The following NOVA1 variants were observed in gnomAD, a reference collection of about 807,000 sequenced individuals.
The protein encoded by NOVA1 is NOVA alternative splicing regulator 1.
In NOVA1, 7 loss-of-function variants were observed where a neutral mutation model predicts 38.0. The observed-to-expected ratio is 0.18, with a 90% CI of 0.10 to 0.35. The LOEUF is 0.35. Among genes scored for constraint, NOVA1 ranks in the 10% least tolerant of loss-of-function variants. The probability of loss-of-function intolerance (pLI) is 1.00; values close to 1 mark genes in which losing one functional copy is unlikely to be tolerated. For missense variants in NOVA1, 460 were observed against 616.0 expected (o/e 0.75, Z 2.68); for synonymous variants, 270 against 232.5 (o/e 1.16, Z -1.47).
At chr14:26,571,102 T>C (rs1008359664) in intron 2 of NOVA1, among the ~76,000 whole-genome samples, 2 of 151,598 alleles carry the variant, frequency 1.3e-5, no homozygotes, top group Admixed American at 6.6e-5. Flanking sequence ...ACAGGTTAAA[T>C]AATATGGATT....
intron 4 of NOVA1, among the ~76,000 whole-genome samples, chr14:26,471,234 A>G (rs905784703): frequency 2.2e-4 from 34 of 152,188 alleles, no homozygotes; most frequent in Non-Finnish European, 3.2e-4. Flanking sequence ...TCCAGTTATT[A>G]TATTTAAATC....
chr14:26,462,590 GATAA>G lies in NOVA1; in HGVS notation c.519+9726_519+9729del, dbSNP rs1461236143. 1.1e-4 allele frequency among the ~76,000 whole-genome samples: 16 copies of G among 152,166 alleles called. No homozygotes were observed. The East Asian group carries it at 3.1e-3, about 29-fold the overall frequency. On this transcript the variant is annotated intron_variant, in intron 4 of 4. Transcript: ENST00000539517. Reference sequence around the variant, plus strand: ...TATTTTTCATGTTTTAACTCAAAAGGATAAATAAAAATATTACATATGTTACACA... The same window carrying G: ...TATTTTTCATGTTTTAACTCAAAAGGATAAAAATATTACATATGTTACACA...
At chr14:26,550,225 T>G (rs1160179367) in intron 2 of NOVA1, among the ~76,000 whole-genome samples, 2 of 152,070 alleles carry the variant, frequency 1.3e-5, no homozygotes, top group Admixed American at 1.3e-4. Context: ...TTGGTTCAGA[T>G]GAGAATTCAA....
At chr14:26,567,442 C>T (rs1032923397) in intron 2 of NOVA1, among the ~76,000 whole-genome samples, 11 of 151,652 alleles carry the variant, frequency 7.3e-5, no homozygotes, top group Non-Finnish European at 1.0e-4. Context: ...ACTACAGGCA[C>T]GCGTGACCTC....
At chr14:26,536,318 C>G (rs1890096896) in intron 2 of NOVA1, among the ~76,000 whole-genome samples, 1 of 151,066 alleles carries the variant, frequency 6.6e-6, no homozygotes, top group South Asian at 2.1e-4. Context: ...CTACTATAGT[C>G]AACAATATCT....
At chr14:26,583,651 T>G (rs961871522) in intron 2 of NOVA1, among the ~76,000 whole-genome samples, 31 of 151,580 alleles carry the variant, frequency 2.0e-4, no homozygotes, top group African/African-American at 6.7e-4. Flanking sequence ...TTTTTCAGAC[T>G]TTTAAAAATT....
At chr14:26,460,832 A>G (rs950549879) in intron 4 of NOVA1, among the ~76,000 whole-genome samples, 1 of 152,222 alleles carries the variant, frequency 6.6e-6, no homozygotes, top group Admixed American at 6.5e-5. Flanking sequence ...TAAAAAAATT[A>G]AAATGTTTAA....
chr14:26,507,665 CTAAA>C (rs1887744333), intron 2 of NOVA1, among the ~76,000 whole-genome samples: 1 of 152,230 alleles, frequency 6.6e-6, no homozygotes, highest in South Asian at 2.1e-4. Context: ...AAGTAAGTAT[CTAAA>C]TAATCATGCA....
At chr14:26,499,805 T>A (rs1430218242) in intron 2 of NOVA1, among the ~76,000 whole-genome samples, 2 of 152,142 alleles carry the variant, frequency 1.3e-5, no homozygotes, top group African/African-American at 4.8e-5. Context: ...GTTTTGTACA[T>A]AGCAGAAAGC....
intron 2 of NOVA1, among the ~76,000 whole-genome samples, chr14:26,567,735 C>T (rs990313659): frequency 6.6e-6 from 1 of 152,104 alleles, no homozygotes; most frequent in Non-Finnish European, 1.5e-5. Context: ...TTTCCATTTC[C>T]TCAAATACAT....
At chr14:26,578,578 G>C (rs1390342127) in intron 2 of NOVA1, among the ~76,000 whole-genome samples, 1 of 152,126 alleles carries the variant, frequency 6.6e-6, no homozygotes, top group Non-Finnish European at 1.5e-5. Context: ...CATATACTTA[G>C]GTAGGTAGAT....
intron 2 of NOVA1, chr14:26,593,419 A>G (rs1893985043): frequency 6.6e-6 from 1 of 151,922 alleles, no homozygotes; most frequent in Non-Finnish European, 1.5e-5. Context: ...ATTGTATTTT[A>G]ATACAAACTG....
intron 2 of NOVA1, among the ~76,000 whole-genome samples, chr14:26,578,679 T>C (rs770658749): frequency 2.0e-5 from 3 of 152,178 alleles, no homozygotes; most frequent in Non-Finnish European, 4.4e-5. Flanking sequence ...GCTTTCAGAA[T>C]TGGGACTTAA....
chr14:26,565,698 T>C (rs905605599), intron 2 of NOVA1, among the ~76,000 whole-genome samples: 1 of 152,122 alleles, frequency 6.6e-6, no homozygotes, highest in Admixed American at 6.5e-5. Flanking sequence ...TCAAACTAAT[T>C]ACATAAAATA....
At chr14:26,465,949 A>C (rs967127427) in intron 4 of NOVA1, among the ~76,000 whole-genome samples, 5 of 152,144 alleles carry the variant, frequency 3.3e-5, no homozygotes, top group African/African-American at 1.2e-4. Flanking sequence ...AAGCTTAAAA[A>C]ACAGCACGAT....
At chr14:26,473,621 T>C (rs1464107261) in intron 3 of NOVA1, among the ~76,000 whole-genome samples, 2 of 150,836 alleles carry the variant, frequency 1.3e-5, no homozygotes, top group African/African-American at 4.9e-5. Context: ...GAGTTAAAAA[T>C]AAAAAAAAAG....
intron 2 of NOVA1, among the ~76,000 whole-genome samples, chr14:26,534,559 C>T (rs1396862478): frequency 4.0e-5 from 6 of 151,834 alleles, no homozygotes; most frequent in African/African-American, 1.5e-4. Context: ...GAACTGAAAG[C>T]AACAATACTT....
At chr14:26,578,953 T>G (rs1355220967) in intron 2 of NOVA1, among the ~76,000 whole-genome samples, 2 of 151,894 alleles carry the variant, frequency 1.3e-5, no homozygotes, top group Non-Finnish European at 2.9e-5. Flanking sequence ...ATAAATCCAT[T>G]ACCATAAAGA....
At chr14:26,521,146 G>T (rs2138504168) in intron 2 of NOVA1, among the ~76,000 whole-genome samples, 1 of 152,034 alleles carries the variant, frequency 6.6e-6, no homozygotes, top group South Asian at 2.1e-4. Context: ...CTCATTTGAG[G>T]TAGTTCAGCA....
Sources: allele counts gnomAD v4.1 joint callset (sites outside exome capture counted in the v4.1 genomes callset), GRCh38; gene constraint gnomAD v4.1.1; transcripts MANE v1.5; gene names NCBI Gene and HGNC (gene_info 2026-07-23, HGNC 2026-07-21).